Variants in POLRMT observed in about 807,000 individuals in gnomAD.
POLRMT encodes RNA polymerase mitochondrial, also known as DNA-directed RNA polymerase, mitochondrial.
Under a neutral mutation model 132.2 loss-of-function variants are expected in POLRMT, and 114 were observed. That is an observed-to-expected ratio of 0.86 (90% confidence interval 0.74 to 1.01). The LOEUF (loss-of-function observed/expected upper bound fraction) is 1.01. POLRMT is among the 50% of genes least tolerant of loss of function. The pLI is 0.00. For missense variants in POLRMT, 2,003 were observed against 1,729.1 expected, an observed-to-expected ratio of 1.16 and a Z score of -2.81; for synonymous variants, 1,020 against 773.4, an observed-to-expected ratio of 1.32 and a Z score of -5.29.
chr19:620,086 G>A lies in POLRMT; in HGVS notation c.2764-6C>T, dbSNP rs150420282. On this transcript the variant is annotated splice_polypyrimidine_tract_variant and splice_region_variant and intron_variant, in intron 11 of 20. Transcript: ENST00000588649. ...AGGCCGTTGCAAGAGCCGTCCTGAG[G>A]AAGGGGCGGCAAACGGGAGATGGAA... is the stretch of plus-strand genomic sequence containing the variant. The A allele has an allele frequency of 1.5e-3, 2,371 of 1,538,684 alleles. 25 individuals are homozygous for A. The African/African-American group carries it at 0.029, about 19-fold the overall frequency.
In POLRMT at chr19:625,129, G is replaced by T; in HGVS notation, c.948C>A (p.Ile316=). ...GCCCTCCCGACACCACCTACCTTTC[G>T]ATGGTCCCGGCGTCCTGGTCCTGCC... is the stretch of plus-strand genomic sequence containing the variant. ...MGRQDQDAGT[I]ERCLEQMSQE... The change falls in exon 4 of 21, where the codon ATC becomes ATA. Residue 316 remains isoleucine (I), a synonymous_variant. Coordinates refer to ENST00000588649, the MANE Select transcript of POLRMT (RefSeq NM_005035.4). 6.2e-7 allele frequency: 1 copy of T among 1,612,572 alleles called. No homozygotes were observed. The highest frequency in any genetic ancestry group is 2.2e-5 in the East Asian group (1 of 44,850).
chr19:633,128 G>A (rs934640776), intron 1 of POLRMT, 190 bp from the exon 2 acceptor site: 8 of 608,962 alleles, frequency 1.3e-5, no homozygotes, highest in East Asian at 6.6e-5. Flanking sequence ...ACACGGGCGC[G>A]GAACCGCCGA....
rs769894322 is a variant in POLRMT, at chr19:622,568, G to A, written c.1626+14C>T. The A allele has an allele frequency of 1.4e-5, 22 of 1,588,644 alleles. No individual in the cohort carries two copies. Among genetic ancestry groups the A allele is most frequent in the Admixed American group, 1.2e-4 (7 of 58,244 alleles). On this transcript the variant is annotated intron_variant, in intron 8 of 20. Coordinates refer to ENST00000588649, the MANE Select transcript of POLRMT (RefSeq NM_005035.4). The stretch of plus-strand genomic sequence containing the variant: ...ACTGGCCCCAGCCAGGAGGAGAGGG[G>A]GTGCGAGCCTCACCTCGGCGTCGGA...
In POLRMT at chr19:617,269, G is replaced by T. The variant is rs201314993; in HGVS notation, c.*5C>A. On this transcript the variant is annotated 3_prime_UTR_variant, in exon 21 of 21. Coordinates refer to ENST00000588649, the MANE Select transcript of POLRMT (RefSeq NM_005035.4). ...TATTTACACACTGACAAGGCTCACG[G>T]GGTGTCAGCTGAAGAAGTAGGTGGA... 9 of 1,612,602 alleles carry T rather than the reference G, an allele frequency of 5.6e-6. No individual in the cohort carries two copies. The South Asian group carries it at 8.8e-5, about 16-fold the overall frequency.
At chr19:631,531 C>T (rs1416913136) in intron 2 of POLRMT, among the ~76,000 whole-genome samples, 8 of 150,624 alleles carry the variant, frequency 5.3e-5, no homozygotes, top group African/African-American at 1.7e-4. Flanking sequence ...TCCAGCTACT[C>T]GGGAGGTTGA....
In POLRMT at chr19:618,595, G is replaced by A. The variant is rs199881669; in HGVS notation, c.3324-9C>T. The A allele has an allele frequency of 1.7e-4, 281 of 1,608,490 alleles. 1 individual carries two copies. The highest frequency in any genetic ancestry group is 2.2e-4 in the Non-Finnish European group (257 of 1,175,656). ...TACGTGTGTTGGGCTTTCTGAGGACGGAACAGGTGCCGGTGGGGGCGGCCC... is the reference window on the plus strand; with the variant it reads ...TACGTGTGTTGGGCTTTCTGAGGACAGAACAGGTGCCGGTGGGGGCGGCCC... On this transcript the variant is annotated splice_polypyrimidine_tract_variant and intron_variant, in intron 16 of 20. Transcript: ENST00000588649.
chr19:623,051 G>T, intron 6 of POLRMT, 66 bp from the exon 7 acceptor site: 1 of 1,559,112 alleles, frequency 6.4e-7, no homozygotes, highest in Non-Finnish European at 8.7e-7. Context: ...CACAGGACGG[G>T]GGTCACCGCA....
At chr19:633,016 C>T in intron 1 of POLRMT, 78 bp from the exon 2 acceptor site, 2 of 1,045,516 alleles carry the variant, frequency 1.9e-6, no homozygotes, top group Non-Finnish European at 2.6e-6. Flanking sequence ...GCCGAAGGGT[C>T]GAAGGGCAAA....
In POLRMT at chr19:621,072, C is replaced by T. The variant is rs757776011; in HGVS notation, c.2626G>A (p.Asp876Asn). 3.1e-6 allele frequency: 5 copies of T among 1,600,480 alleles called. No individual in the cohort carries two copies. The highest frequency in any genetic ancestry group is 1.1e-5 in the South Asian group (1 of 90,346). The part of the protein sequence containing the change: ...EVMDDILDSA[D>N]QPLTGRKWWM... ...CCCGCCCCTACCGTCAAGGGTTGGT[C>T]CGCGGAGTCCAGGATGTCATCCATC... Residue 876 changes from aspartate to asparagine, a missense_variant, in exon 10 of 21, where the codon GAC becomes AAC. Asp to Asn is a conservative substitution (Grantham distance 23). Coordinates refer to ENST00000588649, the MANE Select transcript of POLRMT (RefSeq NM_005035.4).
rs376235499 is a variant in POLRMT at position 618,911 on chromosome 19, TG to T, written c.3267+85del. On this transcript the variant is annotated intron_variant, in intron 15 of 20. Coordinates refer to ENST00000588649, the MANE Select transcript of POLRMT (RefSeq NM_005035.4). The stretch of plus-strand genomic sequence containing the variant: ...ACACTGGGGCGGTGGTACACTGGGG[TG>T]GTGGTACGCTGGGGCACTGGTACAC... 321 of 1,348,794 alleles carry T rather than the reference TG, an allele frequency of 2.4e-4. 5 individuals are homozygous for T. The South Asian group carries it at 4.2e-3, about 18-fold the overall frequency. The allele number at this position is 1,348,794 out of a possible 1,614,324, so 83.6% of individuals were successfully genotyped here.
intron 2 of POLRMT, among the ~76,000 whole-genome samples, chr19:630,739 C>G (rs147846610): frequency 7.9e-5 from 12 of 152,328 alleles, no homozygotes; most frequent in Non-Finnish European, 1.5e-4. Context: ...AGTGTCTACA[C>G]CGGTGGACGC....
intron 19 of POLRMT, 21 bp downstream of exon 19, chr19:617,549 T>TG (rs1568372837): frequency 1.2e-6 from 2 of 1,610,654 alleles, no homozygotes; most frequent in East Asian, 4.5e-5. Flanking sequence ...TCCAGGTAGT[T>TG]GGGGTCAGGG....
chr19:633,201 TG>T, intron 1 of POLRMT: 1 of 597,284 alleles, frequency 1.7e-6, no homozygotes. Flanking sequence ...ACACCACACC[TG>T]GGGTCAGGAG....
chr19:628,772 A>AG (rs1491416834), intron 3 of POLRMT, among the ~76,000 whole-genome samples: 5 of 152,106 alleles, frequency 3.3e-5, no homozygotes, highest in Non-Finnish European at 7.4e-5. Context: ...CGGGAGGCTC[A>AG]GGGGGGCAGA....
chr19:626,898 C>CACTCACACACACACACACACACACACAT (rs371959370), intron 3 of POLRMT, among the ~76,000 whole-genome samples: 1 of 146,702 alleles, frequency 6.8e-6, no homozygotes, highest in African/African-American at 2.5e-5. Flanking sequence ...CACACACACA[C>CACTCACACACACACACACACACACACAT]ATATATATAT....
chr19:620,112 G>A (rs929949218), intron 11 of POLRMT, 32 bp from the exon 12 acceptor site: 22 of 1,534,114 alleles, frequency 1.4e-5, no homozygotes, highest in Admixed American at 9.8e-5. Flanking sequence ...GGAGATGGAA[G>A]CTAGAGAGGC....
chr19:620,917 A>G (rs1984497183), intron 10 of POLRMT, 141 bp downstream of exon 10: 1 of 90,162 alleles, frequency 1.1e-5, no homozygotes, highest in Non-Finnish European at 1.7e-5. Context: ...GAGGAGGAAG[A>G]CGGGCAGGGG....
rs778226622 is a variant in POLRMT at position 618,592 on chromosome 19, G to A, written c.3324-6C>T. Reference sequence around the variant, plus strand: ...GCTTACGTGTGTTGGGCTTTCTGAGGACGGAACAGGTGCCGGTGGGGGCGG... The same window carrying A: ...GCTTACGTGTGTTGGGCTTTCTGAGAACGGAACAGGTGCCGGTGGGGGCGG... On this transcript the variant is annotated splice_region_variant and splice_polypyrimidine_tract_variant and intron_variant, in intron 16 of 20. Coordinates refer to ENST00000588649, the MANE Select transcript of POLRMT (RefSeq NM_005035.4). The A allele has an allele frequency of 5.8e-5, 94 of 1,609,578 alleles. No homozygotes were observed. Among genetic ancestry groups the A allele is most frequent in the South Asian group, 5.6e-4 (51 of 90,908 alleles).
rs144209114 is a variant in POLRMT, at chr19:626,809, G to A, written c.823-1555C>T. On this transcript the variant is annotated intron_variant, in intron 3 of 20. Coordinates refer to ENST00000588649, the MANE Select transcript of POLRMT (RefSeq NM_005035.4). ...CAGAAAGCGGAAATTGCGGTAAGCCGGGATCTCACCACTGCACTCCAGCCT... is the reference window on the plus strand; with the variant it reads ...CAGAAAGCGGAAATTGCGGTAAGCCAGGATCTCACCACTGCACTCCAGCCT... Among the ~76,000 whole-genome samples the A allele has an allele frequency of 7.9e-5, 12 of 151,268 alleles. No homozygotes were observed. In the East Asian group the frequency reaches 2.1e-3, roughly 27 times the overall value.
Sources: gnomAD v4.1 joint callset for allele counts (sites outside exome capture counted in the v4.1 genomes callset) on GRCh38, gnomAD v4.1.1 for gene constraint, MANE v1.5 for transcripts, NCBI Gene and HGNC (gene_info 2026-07-23, HGNC 2026-07-21) for gene names.